The following COLQ variants were observed in gnomAD, a reference collection of about 807,000 sequenced individuals.
COLQ encodes acetylcholinesterase collagenic tail peptide.
In COLQ, 48 loss-of-function variants were observed where a neutral mutation model predicts 69.0. The observed-to-expected ratio is 0.70, with a 90% CI of 0.55 to 0.88. COLQ has a LOEUF of 0.88. Among genes scored for constraint, COLQ ranks in the 40% least tolerant of loss-of-function variants. The pLI, the probability that COLQ is intolerant of heterozygous loss-of-function variation, is 0.00. For missense variants in COLQ, 618 were observed against 594.6 expected (o/e 1.04, Z -0.41); for synonymous variants, 217 against 211.2 (o/e 1.03, Z -0.24).
intron 12 of COLQ, among the ~76,000 whole-genome samples, chr3:15,464,093 A>G (rs756539838): frequency 6.6e-6 from 1 of 151,918 alleles, no homozygotes; most frequent in Non-Finnish European, 1.5e-5. Context: ...TCTGAAGGAC[A>G]AAGCTCCTAA....
chr3:15,461,317 A>G (rs1229764454), intron 12 of COLQ, among the ~76,000 whole-genome samples: 1 of 151,828 alleles, frequency 6.6e-6, no homozygotes, highest in African/African-American at 2.4e-5. Context: ...TCACCTCCCA[A>G]CAGGATGTGG....
In COLQ at chr3:15,479,387, T is replaced by A; in HGVS notation, c.322-5A>T. On this transcript the variant is annotated splice_region_variant and splice_polypyrimidine_tract_variant and intron_variant, in intron 3 of 16. Transcript: ENST00000383788. ...GCCAGGAAGCCCCGGTGGACCCTAATCAATCAAGATAAAAAGTGAAGAAAG... is the reference window on the plus strand; with the variant it reads ...GCCAGGAAGCCCCGGTGGACCCTAAACAATCAAGATAAAAAGTGAAGAAAG... 1 of 1,614,010 alleles carries A rather than the reference T, an allele frequency of 6.2e-7. No homozygotes were observed. The highest frequency in any genetic ancestry group is 8.5e-7 in the Non-Finnish European group (1 of 1,179,880).
chr3:15,472,246 T>G (rs553514934), intron 10 of COLQ, among the ~76,000 whole-genome samples: 1 of 152,358 alleles, frequency 6.6e-6, no homozygotes, highest in East Asian at 1.9e-4. Flanking sequence ...GAAAAGCTAA[T>G]CTAAATATTT....
chr3:15,454,002 C>A lies in COLQ; in HGVS notation c.1196-71G>T, dbSNP rs575113580. 22 of 1,090,636 alleles carry A rather than the reference C, an allele frequency of 2.0e-5. No homozygotes were observed. The South Asian group carries it at 2.8e-4, about 14-fold the overall frequency. The allele number at this position is 1,090,636 out of a possible 1,614,324, so 67.6% of individuals were successfully genotyped here. A position where few individuals can be genotyped will look rare whatever the true frequency, so the allele number is the denominator to read the frequency against. On this transcript the variant is annotated intron_variant, in intron 15 of 16. Coordinates refer to ENST00000383788, the MANE Select transcript of COLQ (RefSeq NM_005677.4). ...ATAGGCTTGCCTCAGCTTGTAAGGA[C>A]CATGCGGCCCAAGGGATCCAACCTA... is the stretch of plus-strand genomic sequence containing the variant.
At chr3:15,516,175 T>C (rs13096588) in intron 1 of COLQ, among the ~76,000 whole-genome samples, 1 of 152,136 alleles carries the variant, frequency 6.6e-6, no homozygotes, top group African/African-American at 2.4e-5. Context: ...ATAGGAAATA[T>C]GGGGCGGTAA....
chr3:15,490,638 T>C (rs2062650961), intron 1 of COLQ, among the ~76,000 whole-genome samples: 1 of 152,236 alleles, frequency 6.6e-6, no homozygotes, highest in South Asian at 2.1e-4. Flanking sequence ...CACAACCTAC[T>C]CATCCATTCT....
chr3:15,495,543 C>T (rs185804782), intron 1 of COLQ, among the ~76,000 whole-genome samples: 8 of 152,288 alleles, frequency 5.3e-5, no homozygotes, highest in South Asian at 4.1e-4. Context: ...GTCCTGTTTT[C>T]GTCTGTGTTC....
intron 5 of COLQ, 59 bp from the exon 6 acceptor site, chr3:15,477,256 A>G (rs957299781): frequency 2.0e-6 from 3 of 1,475,550 alleles, no homozygotes; most frequent in African/African-American, 1.4e-5. Flanking sequence ...CTTCTAATAA[A>G]TATGTTTTGT....
At chr3:15,492,654 G>A (rs912138696) in intron 1 of COLQ, among the ~76,000 whole-genome samples, 5 of 144,380 alleles carry the variant, frequency 3.5e-5, no homozygotes, top group Admixed American at 6.8e-5. Context: ...GCGACAGAGC[G>A]AGACTCCGTC....
rs104893735 is a variant in COLQ, at chr3:15,466,437, C to A, written c.718G>T (p.Gly240Ter). The A allele has an allele frequency of 6.2e-7, 1 of 1,612,308 alleles. No homozygotes were observed. ...TGRPGKRGKQ[G>*]QKGDSGVMGP... is the part of the protein sequence containing the mutation. ...ATAACTCCACTATCCCCTTTCTGTC[C>A]CTGACAGAGAGAAAGGCAGAGCCTG... The change falls in exon 12 of 17, where the codon GGA (glycine) becomes TGA (stop). Residue 240 changes from glycine to a stop codon, truncating the protein, a stop_gained and splice_region_variant. Coordinates refer to ENST00000383788, the MANE Select transcript of COLQ (RefSeq NM_005677.4). LOFTEE classifies it high-confidence loss of function.
At chr3:15,487,764 G>A (rs1477028304) in intron 3 of COLQ, among the ~76,000 whole-genome samples, 2 of 152,178 alleles carry the variant, frequency 1.3e-5, no homozygotes. Flanking sequence ...CTGCTTGGTA[G>A]CAATACCTGG....
intron 3 of COLQ, among the ~76,000 whole-genome samples, chr3:15,481,928 A>C (rs1575478916): frequency 6.6e-6 from 1 of 152,164 alleles, no homozygotes; most frequent in African/African-American, 2.4e-5. Flanking sequence ...GAGGTCCTTC[A>C]CATCCCTTGT....
In COLQ at chr3:15,455,969, A is replaced by G; in HGVS notation, c.1125T>C (p.Cys375=). Residue 375 remains cysteine, a synonymous_variant, in exon 15 of 17, where the codon TGT becomes TGC. Transcript: ENST00000383788. The part of the protein sequence containing the change: ...VDYTADQHGT[C]GDGLLQPGEE... Reference sequence around the variant, plus strand: ...CCCCAGGCTGCAGGAGCCCATCCCCACAGGTGCCGTGCTGGTCTGCAGTGT... The same window carrying G: ...CCCCAGGCTGCAGGAGCCCATCCCCGCAGGTGCCGTGCTGGTCTGCAGTGT... 1.9e-6 allele frequency: 3 copies of G among 1,613,648 alleles called. No homozygotes were observed. Among genetic ancestry groups the G allele is most frequent in the Non-Finnish European group, 1.7e-6 (2 of 1,179,846 alleles).
In COLQ at chr3:15,456,032, G is replaced by A. The variant is rs2062019775; in HGVS notation, c.1075-13C>T. The A allele has an allele frequency of 1.2e-6, 2 of 1,613,830 alleles. No individual in the cohort carries two copies. The highest frequency in any genetic ancestry group is 2.7e-5 in the African/African-American group (2 of 74,922). ...AGAAAGGGGTCAGCTGGCCAAAGAA[G>A]CACACAGCATTAACTGGAGCATGGC... On this transcript the variant is annotated splice_polypyrimidine_tract_variant and intron_variant, in intron 14 of 16. Transcript: ENST00000383788.
At chr3:15,458,995 C>T (rs2062066580) in intron 12 of COLQ, among the ~76,000 whole-genome samples, 1 of 152,020 alleles carries the variant, frequency 6.6e-6, no homozygotes, top group Non-Finnish European at 1.5e-5. Flanking sequence ...GGGTGTGTGC[C>T]ACCACACCAG....
intron 1 of COLQ, among the ~76,000 whole-genome samples, chr3:15,513,862 G>A (rs2063020358): frequency 6.6e-6 from 1 of 152,182 alleles, no homozygotes; most frequent in Non-Finnish European, 1.5e-5. Flanking sequence ...ACCTTATATG[G>A]AAAATGGGAC....
chr3:15,519,651 AC>A (rs1346821651), intron 1 of COLQ, among the ~76,000 whole-genome samples: 1 of 152,064 alleles, frequency 6.6e-6, no homozygotes, highest in Non-Finnish European at 1.5e-5. Flanking sequence ...TTTCATCTGA[AC>A]CACCTGAGTT....
At chr3:15,501,416 T>C (rs562559490) in intron 1 of COLQ, among the ~76,000 whole-genome samples, 5 of 152,272 alleles carry the variant, frequency 3.3e-5, no homozygotes, top group African/African-American at 9.6e-5. Flanking sequence ...CTGTGTGACA[T>C]AGATAACTCC....
intron 1 of COLQ, among the ~76,000 whole-genome samples, chr3:15,513,805 G>A (rs1446738658): frequency 3.3e-5 from 5 of 152,114 alleles, no homozygotes; most frequent in Admixed American, 6.6e-5. Context: ...AACCTGTGGC[G>A]GCTCCCACAG....
Sources: allele counts gnomAD v4.1 joint callset (sites outside exome capture counted in the v4.1 genomes callset), GRCh38; gene constraint gnomAD v4.1.1; transcripts MANE v1.5; gene names NCBI Gene and HGNC (gene_info 2026-07-23, HGNC 2026-07-21).